CACNB2: variants seen among roughly 807,000 people sequenced by gnomAD.
CACNB2 encodes calcium voltage-gated channel auxiliary subunit beta 2.
CACNB2 carries 42 observed loss-of-function variants against 73.3 expected under a neutral mutation model. That is an observed-to-expected ratio of 0.57 (90% CI 0.45 to 0.74). CACNB2 has a LOEUF of 0.74. Ranked by LOEUF, CACNB2 falls within the 30% of genes least tolerant of loss-of-function variation. The pLI is 0.00. For synonymous variants in CACNB2, 348 were observed against 310.3 expected (o/e 1.12, Z -1.28); for missense variants, 940 against 853.0 (o/e 1.10, Z -1.27).
intron 3 of CACNB2, among the ~76,000 whole-genome samples, chr10:18,451,152 G>A (rs1477506846): frequency 6.6e-6 from 1 of 152,296 alleles, no homozygotes; most frequent in Non-Finnish European, 1.5e-5. Context: ...AGGATGGTGG[G>A]AATTGGACAC....
intron 2 of CACNB2, among the ~76,000 whole-genome samples, chr10:18,319,439 G>A (rs1038390081): frequency 1.8e-4 from 28 of 151,902 alleles, no homozygotes; most frequent in Admixed American, 1.7e-3. Flanking sequence ...CCACACCAGG[G>A]CCTCTCAGGG....
At chr10:18,394,348 C>T (rs548114512) in intron 2 of CACNB2, among the ~76,000 whole-genome samples, 251 of 152,278 alleles carry the variant, frequency 1.6e-3, no homozygotes, top group African/African-American at 5.8e-3. Flanking sequence ...AAAACTATCA[C>T]GATGCCTTTA....
In CACNB2 at chr10:18,144,378, C is replaced by A. The variant is rs567662277; in HGVS notation, c.120+3522C>A. ...TACAGGCGTGCGCCACCATGCCCAG[C>A]CCAAAATGGATACGTTTCTTACATG... On this transcript the variant is annotated intron_variant, in intron 1 of 13. Coordinates refer to ENST00000324631, the MANE Select transcript of CACNB2 (RefSeq NM_201596.3). Among the ~76,000 whole-genome samples the A allele has an allele frequency of 4.1e-4, 62 of 152,340 alleles. No individual in the cohort carries two copies. In the South Asian group the frequency reaches 0.012, roughly 30 times the overall value.
At chr10:18,282,619 C>G (rs2038602642) in intron 2 of CACNB2, among the ~76,000 whole-genome samples, 1 of 152,174 alleles carries the variant, frequency 6.6e-6, no homozygotes, top group Non-Finnish European at 1.5e-5. Context: ...CTCTTTCTGG[C>G]AAATATGAGT....
intron 2 of CACNB2, among the ~76,000 whole-genome samples, chr10:18,213,022 T>C (rs1190632877): frequency 6.6e-6 from 1 of 152,210 alleles, no homozygotes; most frequent in Non-Finnish European, 1.5e-5. Context: ...TGTAAGGGAA[T>C]AGAGGATCCC....
chr10:18,458,337 G>A (rs1464802243), intron 3 of CACNB2, among the ~76,000 whole-genome samples: 1 of 152,132 alleles, frequency 6.6e-6, no homozygotes, highest in East Asian at 1.9e-4. Flanking sequence ...TATTCTAGTT[G>A]ACTTTCATGT....
At chr10:18,354,674 T>A (rs892988472) in intron 2 of CACNB2, among the ~76,000 whole-genome samples, 2 of 151,830 alleles carry the variant, frequency 1.3e-5, no homozygotes, top group African/African-American at 4.8e-5. Context: ...TTTAGAGGAG[T>A]CTCAGGACCC....
At chr10:18,440,172 AG>A (rs1774875927) in intron 3 of CACNB2, among the ~76,000 whole-genome samples, 2 of 152,124 alleles carry the variant, frequency 1.3e-5, no homozygotes, top group Admixed American at 1.3e-4. Context: ...AAGGATGGAC[AG>A]GCTCCTTCAA....
At chr10:18,325,663 CTT>C (rs2040557024) in intron 2 of CACNB2, among the ~76,000 whole-genome samples, 1 of 139,786 alleles carries the variant, frequency 7.2e-6, no homozygotes. Flanking sequence ...CTCTCTCTCT[CTT>C]TCTTTCTCTT....
chr10:18,338,418 T>A (rs1255097563), intron 2 of CACNB2, among the ~76,000 whole-genome samples: 1 of 152,196 alleles, frequency 6.6e-6, no homozygotes, highest in African/African-American at 2.4e-5. Context: ...ATAACAAGTG[T>A]TGTTGAGGGT....
At position 18,511,541 on chromosome 10, in the gene CACNB2, G is replaced by A. The variant is rs146060231; in HGVS notation, c.671-2695G>A. On this transcript the variant is annotated intron_variant, in intron 6 of 13. Coordinates refer to ENST00000324631, the MANE Select transcript of CACNB2 (RefSeq NM_201596.3). The stretch of plus-strand genomic sequence containing the variant: ...GGTAGCTGTATTGTAACACCAAGTT[G>A]TCTGTTATTTCAAACTGGTAATTTG... Among the ~76,000 whole-genome samples the A allele has an allele frequency of 1.4e-4, 22 of 152,312 alleles. No homozygotes were observed. In the East Asian group the frequency reaches 4.0e-3, roughly 28 times the overall value.
intron 1 of CACNB2, among the ~76,000 whole-genome samples, chr10:18,148,292 A>AT (rs554248407): frequency 1.6e-3 from 247 of 152,080 alleles, no homozygotes; most frequent in African/African-American, 5.4e-3. Flanking sequence ...TTGAAGAACA[A>AT]TTTTTTTTCT....
chr10:18,200,872 G>A (rs927834257), intron 2 of CACNB2, among the ~76,000 whole-genome samples: 1 of 152,158 alleles, frequency 6.6e-6, no homozygotes, highest in Admixed American at 6.6e-5. Flanking sequence ...ATATCTGAAG[G>A]AAGCTCCATC....
intron 2 of CACNB2, among the ~76,000 whole-genome samples, chr10:18,207,188 T>C (rs2035130339): frequency 6.6e-6 from 1 of 152,124 alleles, no homozygotes; most frequent in South Asian, 2.1e-4. Context: ...TTTGTAGTTT[T>C]GGTAGAGACA....
chr10:18,364,954 C>T (rs989190295), intron 2 of CACNB2, among the ~76,000 whole-genome samples: 1 of 152,098 alleles, frequency 6.6e-6, no homozygotes, highest in Admixed American at 6.5e-5. Context: ...CTTAGGATAG[C>T]ATTTTTTTCA....
In CACNB2 at chr10:18,541,516, A is replaced by AAAT. The variant is rs2054066736; in HGVS notation, c.*1793_*1795dup. 1 of 152,184 alleles carries AAAT rather than the reference A, an allele frequency of 6.6e-6. No individual in the cohort carries two copies. The highest frequency in any genetic ancestry group is 6.5e-5 in the Admixed American group (1 of 15,274). The allele number at this position is 152,184 out of a possible 1,614,324, so 9.4% of individuals were successfully genotyped here. ...CTGGCACTTGAAGTTTGTCCCAGGA[A>AAAT]AATGCCTGTGTATAATTACCTAACT... is the stretch of plus-strand genomic sequence containing the variant. On this transcript the variant is annotated 3_prime_UTR_variant, in exon 14 of 14. Transcript: ENST00000324631.
At chr10:18,421,125 T>A (rs1188732418) in intron 3 of CACNB2, among the ~76,000 whole-genome samples, 1 of 152,188 alleles carries the variant, frequency 6.6e-6, no homozygotes, top group Non-Finnish European at 1.5e-5. Flanking sequence ...CCATTAGCCC[T>A]TGTTAACTCT....
At chr10:18,182,517 A>AT (rs2033939568) in intron 2 of CACNB2, among the ~76,000 whole-genome samples, 1 of 139,716 alleles carries the variant, frequency 7.2e-6, no homozygotes, top group Non-Finnish European at 1.6e-5. Context: ...CAGGAAGAAG[A>AT]TTAAAAAAAA....
Position 18,539,874 on chromosome 10 carries a change from A to AGCATGGATAGAGTATT in CACNB2, c.*152_*167dup. On this transcript the variant is annotated 3_prime_UTR_variant, in exon 14 of 14. Transcript: ENST00000324631. Reference sequence around the variant, plus strand: ...TTATTGCTGTTGCTTGAATAGCAATAGCATGGATAGAGTATTGAGATACTT... The same window carrying AGCATGGATAGAGTATT: ...TTATTGCTGTTGCTTGAATAGCAATAGCATGGATAGAGTATTGCATGGATAGAGTATTGAGATACTT... 1.2e-6 allele frequency: 1 copy of AGCATGGATAGAGTATT among 830,200 alleles called. No individual in the cohort carries two copies. Among genetic ancestry groups the AGCATGGATAGAGTATT allele is most frequent in the Non-Finnish European group, 1.8e-6 (1 of 541,000 alleles). 51.4% of individuals were successfully genotyped at this position (830,200 alleles called of 1,614,324 possible).
Sources: allele counts gnomAD v4.1 joint callset (sites outside exome capture counted in the v4.1 genomes callset), GRCh38; gene constraint gnomAD v4.1.1; transcripts MANE v1.5; gene names NCBI Gene and HGNC (gene_info 2026-07-23, HGNC 2026-07-21).